NUP205: variants seen among roughly 807,000 people sequenced by gnomAD.
NUP205 encodes nuclear pore complex protein Nup205.
NUP205 carries 76 observed loss-of-function variants against 253.8 expected under a neutral mutation model. The observed-to-expected ratio is 0.30, with a 90% CI of 0.25 to 0.36. The LOEUF (loss-of-function observed/expected upper bound fraction) is 0.36. Ranked by LOEUF, NUP205 falls within the 10% of genes least tolerant of loss-of-function variation. The pLI is 1.00. For missense variants in NUP205, 2,162 were observed against 2,425.5 expected, an observed-to-expected ratio of 0.89 and a Z score of 2.28; for synonymous variants, 832 against 850.1, an observed-to-expected ratio of 0.98 and a Z score of 0.37.
rs1794584551 is a variant in NUP205 at position 135,626,174 on chromosome 7, G to A, written c.4672-66G>A. 2.5e-6 allele frequency: 4 copies of A among 1,591,590 alleles called. No homozygotes were observed. In the South Asian group the frequency reaches 4.5e-5, roughly 18 times the overall value. On this transcript the variant is annotated intron_variant, in intron 32 of 42. Coordinates refer to ENST00000285968, the MANE Select transcript of NUP205 (RefSeq NM_015135.3). ...ATGAGAAATTTGCCATCAAAGTGTT[G>A]CACTTTTCTCTGAGGCCCTTGGACA...
At chr7:135,571,459 T>G (rs1296958262) in intron 2 of NUP205, among the ~76,000 whole-genome samples, 1 of 151,422 alleles carries the variant, frequency 6.6e-6, no homozygotes, top group East Asian at 1.9e-4. Flanking sequence ...CAGGCTTGTC[T>G]TGGACTTCTG....
chr7:135,572,370 G>C (rs1806020695), intron 2 of NUP205, among the ~76,000 whole-genome samples: 1 of 152,016 alleles, frequency 6.6e-6, no homozygotes, highest in Admixed American at 6.6e-5. Context: ...TTTATTTCCA[G>C]ATGTACGTTA....
chr7:135,574,666 A>G (rs1806100341), intron 3 of NUP205, among the ~76,000 whole-genome samples: 1 of 152,186 alleles, frequency 6.6e-6, no homozygotes, highest in African/African-American at 2.4e-5. Flanking sequence ...CATGATAATG[A>G]AAGGTATTTG....
chr7:135,648,547 A>G lies in NUP205; in HGVS notation c.6030A>G (p.Ser2010=), dbSNP rs1213155379. ...VRRIRGLLRI[S]RN is the part of the protein sequence containing the mutation. Reference sequence around the variant, plus strand: ...GTATCCGTGGCCTCTTGAGGATATCAAGGAACTGAGAGCCCGTGCTTATGC... The same window carrying G: ...GTATCCGTGGCCTCTTGAGGATATCGAGGAACTGAGAGCCCGTGCTTATGC... Residue 2010 remains serine, a synonymous_variant, in exon 43 of 43, where the codon TCA becomes TCG. Transcript: ENST00000285968. 1.3e-6 allele frequency: 2 copies of G among 1,560,866 alleles called. No individual in the cohort carries two copies. Among genetic ancestry groups the G allele is most frequent in the African/African-American group, 1.4e-5 (1 of 71,586 alleles).
intron 33 of NUP205, 146 bp downstream of exon 33, chr7:135,626,507 A>C (rs895291501): frequency 6.3e-6 from 5 of 795,188 alleles, no homozygotes; most frequent in Admixed American, 6.2e-5. Flanking sequence ...CCTGTCATTT[A>C]CTAATAAATG....
At chr7:135,579,199 T>TA (rs1554458287) in intron 7 of NUP205, among the ~76,000 whole-genome samples, 1 of 139,608 alleles carries the variant, frequency 7.2e-6, no homozygotes, top group African/African-American at 2.6e-5. Context: ...TCACATTAAT[T>TA]TTTTTTTTTT....
intron 1 of NUP205, among the ~76,000 whole-genome samples, chr7:135,565,108 A>G (rs1805714026): frequency 6.6e-6 from 1 of 152,144 alleles, no homozygotes; most frequent in South Asian, 2.1e-4. Context: ...GCCTACCATT[A>G]TTGGGGGAAA....
At chr7:135,625,821 A>G (rs963481908) in intron 32 of NUP205, among the ~76,000 whole-genome samples, 11 of 152,204 alleles carry the variant, frequency 7.2e-5, no homozygotes, top group Non-Finnish European at 1.2e-4. Flanking sequence ...TTACGATAAT[A>G]GAAGCACTGA....
In NUP205 at chr7:135,577,915, G is replaced by A; in HGVS notation, c.768G>A (p.Val256=). The change falls in exon 6 of 43, where the codon GTG becomes GTA. Residue 256 remains valine (V), a synonymous_variant. Coordinates refer to ENST00000285968, the MANE Select transcript of NUP205 (RefSeq NM_015135.3). ...TLLLIGHLER[V]TVEANGSLDA... ...TCCTCATTGGACATTTGGAAAGAGT[G>A]ACAGTTGAGGCTAATGGCTCACTGG... 1 of 1,614,110 alleles carries A rather than the reference G, an allele frequency of 6.2e-7. No homozygotes were observed.
chr7:135,615,979 G>A lies in NUP205; in HGVS notation c.3374G>A (p.Arg1125Lys), dbSNP rs778345851. The change falls in exon 24 of 43, where the codon AGG (arginine) becomes AAG (lysine). Residue 1125 changes from arginine (R) to lysine (K), a missense_variant. By Grantham distance (26) the Arg-to-Lys change is conservative (BLOSUM62 2). Transcript: ENST00000285968. ...ATGAAAACTGCCTCAATAGAGCTAA[G>A]GGTAACCTCTCTGAATCGTCAGCGG... ...WLMKTASIEL[R>K]VTSLNRQRSH... The A allele has an allele frequency of 5.6e-6, 9 of 1,613,414 alleles. No homozygotes were observed. Among genetic ancestry groups the A allele is most frequent in the Non-Finnish European group, 7.6e-6 (9 of 1,179,572 alleles).
chr7:135,575,983 C>T (rs1018924911), intron 3 of NUP205, among the ~76,000 whole-genome samples: 4 of 152,178 alleles, frequency 2.6e-5, no homozygotes, highest in African/African-American at 9.7e-5. Context: ...AAAAGATTCT[C>T]ACCCAGTATG....
rs181055416 is a variant in NUP205 at position 135,619,443 on chromosome 7, G to A, written c.3984G>A (p.Ala1328=). ...VHDKILDDEA[A]QELMPVVAGA... is the part of the protein sequence containing the mutation. The stretch of plus-strand genomic sequence containing the variant: ...TTAAGATACTGGATGATGAAGCTGC[G>A]CAAGAGTTAATGCCTGTGGTCGCCG... Residue 1328 remains alanine (A), a synonymous_variant, in exon 29 of 43, where the codon GCG becomes GCA. Transcript: ENST00000285968. 5.7e-5 allele frequency: 92 copies of A among 1,612,856 alleles called. No homozygotes were observed. The highest frequency in any genetic ancestry group is 6.7e-5 in the Non-Finnish European group (79 of 1,179,988).
At chr7:135,595,859 G>A (rs1459306938) in intron 13 of NUP205, among the ~76,000 whole-genome samples, 2 of 152,214 alleles carry the variant, frequency 1.3e-5, no homozygotes, top group East Asian at 3.9e-4. Context: ...GGTTAGGTGG[G>A]ATATGTATAT....
At chr7:135,646,825 A>C (rs551613046) in intron 42 of NUP205, among the ~76,000 whole-genome samples, 1 of 152,342 alleles carries the variant, frequency 6.6e-6, no homozygotes, top group Admixed American at 6.5e-5. Context: ...GTCAGAATTA[A>C]GTGAGGTTTC....
rs376168818 is a variant in NUP205, at chr7:135,638,392, G to A, written c.5266-165G>A. On this transcript the variant is annotated intron_variant, in intron 37 of 42. Coordinates refer to ENST00000285968, the MANE Select transcript of NUP205 (RefSeq NM_015135.3). ...ATCACGCCACTGCATTCCAGCCTGG[G>A]CAACAGAGGGAGACTCCATCTGAAA... Among the ~76,000 whole-genome samples the A allele has an allele frequency of 3.3e-4, 47 of 141,712 alleles. No individual in the cohort carries two copies. The East Asian group carries it at 4.8e-3, about 14-fold the overall frequency. 93.0% of individuals were successfully genotyped at this position (141,712 alleles called of 152,430 possible).
chr7:135,590,698 A>G (rs1169650112), intron 10 of NUP205, among the ~76,000 whole-genome samples: 2 of 151,552 alleles, frequency 1.3e-5, no homozygotes, highest in African/African-American at 4.9e-5. Flanking sequence ...ACACCCAGCT[A>G]ATTTTTGTAT....
intron 8 of NUP205, among the ~76,000 whole-genome samples, chr7:135,585,731 T>C (rs140321091): frequency 6.6e-6 from 1 of 152,194 alleles, no homozygotes; most frequent in Non-Finnish European, 1.5e-5. Context: ...TTTTGTATTT[T>C]TATTAGAATG....
At chr7:135,643,623 A>G (rs1183512951) in intron 39 of NUP205, among the ~76,000 whole-genome samples, 4 of 152,066 alleles carry the variant, frequency 2.6e-5, no homozygotes, top group Non-Finnish European at 5.9e-5. Context: ...GGTCATTTAT[A>G]CTCTAAAATC....
intron 27 of NUP205, among the ~76,000 whole-genome samples, chr7:135,617,935 A>G (rs1794394698): frequency 6.6e-6 from 1 of 151,678 alleles, no homozygotes; most frequent in Admixed American, 6.6e-5. Context: ...ATTAGACTTC[A>G]CTTGGTCCCC....
Sources: gnomAD v4.1 joint callset for allele counts (sites outside exome capture counted in the v4.1 genomes callset) on GRCh38, gnomAD v4.1.1 for gene constraint, MANE v1.5 for transcripts, NCBI Gene and HGNC (gene_info 2026-07-23, HGNC 2026-07-21) for gene names.